Variants in R3HDM2 observed in about 807,000 individuals in gnomAD.
R3HDM2 encodes R3H domain-containing protein 2.
R3HDM2 carries 38 observed loss-of-function variants against 124.5 expected under a neutral mutation model. The observed-to-expected ratio is 0.31, with a 90% CI of 0.24 to 0.40. The LOEUF (loss-of-function observed/expected upper bound fraction) is 0.40. R3HDM2 is among the 10% of genes least tolerant of loss of function. The pLI is 1.00. For missense variants in R3HDM2, 869 were observed against 1,236.9 expected, an observed-to-expected ratio of 0.70 and a Z score of 4.46; for synonymous variants, 391 against 448.0, an observed-to-expected ratio of 0.87 and a Z score of 1.61.
chr12:57,254,776 T>C lies in R3HDM2; in HGVS notation c.2970A>G (p.Gln990=). The C allele has an allele frequency of 1.3e-6, 2 of 1,536,194 alleles. No individual in the cohort carries two copies. Among genetic ancestry groups the C allele is most frequent in the East Asian group, 2.3e-5 (1 of 44,366 alleles). The change falls in exon 24 of 24, where the codon CAA becomes CAG. Residue 990 remains glutamine, a synonymous_variant. Coordinates refer to ENST00000402412, the MANE Select transcript of R3HDM2 (RefSeq NM_001394031.1). ...CAGTCCCTTTCCCCTCCTCCATTTATTGGGAGCTGGCTCGCTCCAGGATCC... is the reference window on the plus strand; with the variant it reads ...CAGTCCCTTTCCCCTCCTCCATTTACTGGGAGCTGGCTCGCTCCAGGATCC... The part of the protein sequence containing the change: ...DLRILERASS[Q]
intron 2 of R3HDM2, among the ~76,000 whole-genome samples, chr12:57,371,706 G>A (rs1566380431): frequency 6.6e-6 from 1 of 152,110 alleles, no homozygotes; most frequent in East Asian, 1.9e-4. Context: ...AAAACAAAAA[G>A]TAAATATCAT....
intron 2 of R3HDM2, among the ~76,000 whole-genome samples, chr12:57,338,771 G>A (rs1463383400): frequency 1.3e-5 from 2 of 150,494 alleles, no homozygotes; most frequent in Non-Finnish European, 3.0e-5. Context: ...AATTACATGT[G>A]ATCTGAAGAC....
chr12:57,418,151 T>A, intron 1 of R3HDM2: 7 of 985,348 alleles, frequency 7.1e-6, no homozygotes, highest in Non-Finnish European at 7.2e-6. Context: ...CTTATCTCAG[T>A]AAGCAACACC....
At chr12:57,282,228 T>C (rs2046321327) in intron 13 of R3HDM2, among the ~76,000 whole-genome samples, 1 of 151,528 alleles carries the variant, frequency 6.6e-6, no homozygotes, top group Admixed American at 6.6e-5. Flanking sequence ...GGAGAATCGC[T>C]TGAACCCGGG....
chr12:57,424,812 C>A lies in R3HDM2; in HGVS notation c.-106+5908G>T, dbSNP rs181335474. Among the ~76,000 whole-genome samples, 310 of 152,246 alleles carry A rather than the reference C, an allele frequency of 2.0e-3. 1 individual carries two copies. Among genetic ancestry groups the A allele is most frequent in the Admixed American group, 4.3e-3 (66 of 15,278 alleles). ...TGCAAACTTCTGGGCTCAAGCAATC[C>A]TCCCGCCTCAGATTCCCAAAGTGCT... On this transcript the variant is annotated intron_variant, in intron 1 of 23. Coordinates refer to ENST00000402412, the MANE Select transcript of R3HDM2 (RefSeq NM_001394031.1).
At chr12:57,383,537 T>TA (rs1213030375) in intron 2 of R3HDM2, among the ~76,000 whole-genome samples, 1 of 150,410 alleles carries the variant, frequency 6.6e-6, no homozygotes, top group Non-Finnish European at 1.5e-5. Context: ...ACCCCATCTC[T>TA]ACAAAAATAC....
chr12:57,374,809 C>T (rs560270331), intron 2 of R3HDM2, among the ~76,000 whole-genome samples: 4 of 147,968 alleles, frequency 2.7e-5, no homozygotes, highest in South Asian at 4.2e-4. Context: ...CTGGCTAACA[C>T]GGTGAAACCC....
chr12:57,266,698 G>A, intron 19 of R3HDM2, 33 bp downstream of exon 19: 1 of 1,503,054 alleles, frequency 6.7e-7, no homozygotes, highest in Non-Finnish European at 9.2e-7. Context: ...GCTCTTGTCA[G>A]TGCCCAAGAC....
chr12:57,323,754 G>A (rs568927765), intron 2 of R3HDM2, among the ~76,000 whole-genome samples: 5 of 152,256 alleles, frequency 3.3e-5, no homozygotes, highest in South Asian at 2.1e-4. Context: ...GTTGGGCCCC[G>A]TTAACAGTTT....
intron 12 of R3HDM2, among the ~76,000 whole-genome samples, chr12:57,284,633 A>G (rs2046926267): frequency 1.3e-5 from 2 of 152,238 alleles, no homozygotes; most frequent in South Asian, 4.1e-4. Context: ...ACTCAGTTTG[A>G]TAGTCTAGGA....
intron 19 of R3HDM2, among the ~76,000 whole-genome samples, chr12:57,264,326 C>T (rs1384840954): frequency 7.1e-6 from 1 of 139,898 alleles, no homozygotes; most frequent in South Asian, 2.4e-4. Flanking sequence ...GAGGCCGAGG[C>T]GGGCGGATCA....
chr12:57,391,660 A>G (rs2066697862), intron 2 of R3HDM2, among the ~76,000 whole-genome samples: 1 of 152,250 alleles, frequency 6.6e-6, no homozygotes, highest in South Asian at 2.1e-4. Flanking sequence ...ATATTGTACT[A>G]TAGTTATGTG....
chr12:57,385,637 C>T lies in R3HDM2; in HGVS notation c.-36+10112G>A, dbSNP rs574691900. Reference sequence around the variant, plus strand: ...GGAAGATCACTTGATCCTGAGAGGTCGAGGCTGCAGTGAGCCCTGCACTCC... The same window carrying T: ...GGAAGATCACTTGATCCTGAGAGGTTGAGGCTGCAGTGAGCCCTGCACTCC... On this transcript the variant is annotated intron_variant, in intron 2 of 23. Coordinates refer to ENST00000402412, the MANE Select transcript of R3HDM2 (RefSeq NM_001394031.1). Among the ~76,000 whole-genome samples, 93 of 150,486 alleles carry T rather than the reference C, an allele frequency of 6.2e-4. No homozygotes were observed. The Middle Eastern group carries it at 0.01, about 17-fold the overall frequency.
intron 3 of R3HDM2, among the ~76,000 whole-genome samples, chr12:57,305,417 T>C (rs1048207007): frequency 2.6e-5 from 4 of 152,258 alleles, no homozygotes; most frequent in Admixed American, 2.6e-4. Context: ...TGAATATATA[T>C]AAATATAGTA....
intron 2 of R3HDM2, among the ~76,000 whole-genome samples, chr12:57,321,219 T>G (rs1180002492): frequency 6.6e-6 from 1 of 152,212 alleles, no homozygotes; most frequent in African/African-American, 2.4e-5. Flanking sequence ...GGGTTTTGGA[T>G]TATGGATGGT....
intron 2 of R3HDM2, among the ~76,000 whole-genome samples, chr12:57,386,037 T>TA (rs955672248): frequency 1.5e-4 from 23 of 152,048 alleles, no homozygotes; most frequent in Admixed American, 2.6e-4. Context: ...ATTACAAAAA[T>TA]AAAAAAAATG....
At chr12:57,430,487 C>CG in intron 1 of R3HDM2, 1 of 913,606 alleles carries the variant, frequency 1.1e-6, no homozygotes, top group Non-Finnish European at 1.3e-6. Context: ...CGCCACCCCC[C>CG]TGCCCCCGCA....
chr12:57,427,982 T>C (rs1868336587), intron 1 of R3HDM2, among the ~76,000 whole-genome samples: 1 of 151,868 alleles, frequency 6.6e-6, no homozygotes, highest in South Asian at 2.1e-4. Flanking sequence ...TAGCCAGGCA[T>C]GGTGGCAGGC....
At chr12:57,280,649 C>A (rs1255475961) in intron 13 of R3HDM2, 119 bp from the exon 14 acceptor site, 3 of 887,334 alleles carry the variant, frequency 3.4e-6, no homozygotes, top group Non-Finnish European at 3.3e-6. Flanking sequence ...TCCCTTTTGT[C>A]CCCTCCCCCA....
Sources: gnomAD v4.1 joint callset for allele counts (sites outside exome capture counted in the v4.1 genomes callset) on GRCh38, gnomAD v4.1.1 for gene constraint, MANE v1.5 for transcripts, NCBI Gene and HGNC (gene_info 2026-07-23, HGNC 2026-07-21) for gene names.